Variants in PAX2 observed in about 807,000 individuals in gnomAD.
The protein encoded by PAX2 is paired box protein Pax-2.
Under a neutral mutation model 41.7 loss-of-function variants are expected in PAX2, and 9 were observed. The observed-to-expected ratio is 0.22, with a 90% CI of 0.13 to 0.38. The LOEUF is 0.38. Among genes scored for constraint, PAX2 ranks in the 10% least tolerant of loss-of-function variants. The probability of loss-of-function intolerance (pLI) is 1.00; values close to 1 mark genes in which losing one functional copy is unlikely to be tolerated. For missense variants in PAX2, 418 were observed against 531.6 expected (o/e 0.79, Z 2.10); for synonymous variants, 221 against 212.7 (o/e 1.04, Z -0.34).
At chr10:100,761,480 TA>T (rs1262051909) in intron 3 of PAX2, among the ~76,000 whole-genome samples, 3 of 151,960 alleles carry the variant, frequency 2.0e-5, no homozygotes, top group Non-Finnish European at 2.9e-5. Flanking sequence ...CCAGGGTGGG[TA>T]CAAAAAAAGT....
At chr10:100,817,303 A>T (rs1009829351) in intron 7 of PAX2, among the ~76,000 whole-genome samples, 1 of 152,214 alleles carries the variant, frequency 6.6e-6, no homozygotes, top group Non-Finnish European at 1.5e-5. Flanking sequence ...AAAACAAGGG[A>T]GTTGGACTAG....
Position 100,781,339 on chromosome 10 carries a change from A to G in PAX2, c.590A>G (p.Asn197Ser), listed in dbSNP as rs1257925666. The G allele has an allele frequency of 1.9e-6, 3 of 1,613,748 alleles. No individual in the cohort carries two copies. Among genetic ancestry groups the G allele is most frequent in the East Asian group, 2.2e-5 (1 of 44,892 alleles). Reference sequence around the variant, plus strand: ...GGGATCCTGGGGATTCCTCGCTCCAATGGTGAGAAGAGGAAACGTGATGAA... The same window carrying G: ...GGGATCCTGGGGATTCCTCGCTCCAGTGGTGAGAAGAGGAAACGTGATGAA... ...INGILGIPRS[N>S]GEKRKRDEDV... The change falls in exon 5 of 10, where the codon AAT (asparagine) becomes AGT (serine). Residue 197 changes from asparagine (N) to serine (S), a missense_variant. Physicochemically the swap from Asn to Ser is conservative, Grantham distance 46. Around this residue, in one of 2 missense-constraint regions of PAX2, gnomAD observed 310 missense variants for 325.2 expected, o/e 0.95. Coordinates refer to ENST00000355243, the MANE Select transcript of PAX2 (RefSeq NM_000278.5).
At chr10:100,794,266 C>T (rs1201522066) in intron 5 of PAX2, among the ~76,000 whole-genome samples, 2 of 152,252 alleles carry the variant, frequency 1.3e-5, no homozygotes, top group African/African-American at 2.4e-5. Flanking sequence ...GGGAAGACCA[C>T]GGGACGTGGG....
chr10:100,817,910 C>T (rs151019489), intron 7 of PAX2, among the ~76,000 whole-genome samples: 1 of 152,146 alleles, frequency 6.6e-6, no homozygotes, highest in Non-Finnish European at 1.5e-5. Context: ...AATAGATATA[C>T]GTTGAATTGG....
rs2133988419 is a variant in PAX2 at position 100,826,551 on chromosome 10, A to G, written c.1022-458A>G. ...TGTGTTGGCACTGCACATTGATGCC[A>G]TTCTTAGGACTTTCTGGGAGAAAAA... On this transcript the variant is annotated intron_variant, in intron 8 of 9. Transcript: ENST00000355243. The surrounding 1 kb of genome is among the most constrained non-coding windows in gnomAD (Gnocchi z 5.5). Among the ~76,000 whole-genome samples the G allele has an allele frequency of 1.3e-5, 2 of 152,288 alleles. No homozygotes were observed. Among genetic ancestry groups the G allele is most frequent in the South Asian group, 4.1e-4 (2 of 4,824 alleles).
At chr10:100,762,765 G>A (rs941995201) in intron 3 of PAX2, among the ~76,000 whole-genome samples, 2 of 152,214 alleles carry the variant, frequency 1.3e-5, no homozygotes, top group East Asian at 1.9e-4. Context: ...GTCACAAACC[G>A]GCTTTATGCC....
At chr10:100,795,461 T>C (rs1290532944) in intron 5 of PAX2, among the ~76,000 whole-genome samples, 1 of 152,122 alleles carries the variant, frequency 6.6e-6, no homozygotes, top group Non-Finnish European at 1.5e-5. Flanking sequence ...ACTAGGGAAG[T>C]GTTTATGAGG....
chr10:100,825,440 T>C (rs1297675896), intron 8 of PAX2, among the ~76,000 whole-genome samples: 1 of 152,198 alleles, frequency 6.6e-6, no homozygotes, highest in Non-Finnish European at 1.5e-5. Context: ...AGACAGAGGC[T>C]GTATTTAAGG....
chr10:100,805,754 G>A (rs1052610656), intron 5 of PAX2, among the ~76,000 whole-genome samples: 7 of 152,200 alleles, frequency 4.6e-5, no homozygotes, highest in Non-Finnish European at 1.0e-4. Flanking sequence ...AGGGCATAGA[G>A]GCATCCACAG....
chr10:100,796,647 A>G (rs546027166), intron 5 of PAX2, among the ~76,000 whole-genome samples: 13 of 152,274 alleles, frequency 8.5e-5, no homozygotes, highest in African/African-American at 3.1e-4. Flanking sequence ...CTTGCCATGG[A>G]ATCCCTGGCC....
intron 7 of PAX2, among the ~76,000 whole-genome samples, chr10:100,809,553 C>T (rs1215224121): frequency 6.6e-6 from 1 of 152,208 alleles, no homozygotes; most frequent in Non-Finnish European, 1.5e-5. Context: ...TCATGAGCCT[C>T]TTGTTAGGAT....
intron 8 of PAX2, among the ~76,000 whole-genome samples, chr10:100,825,727 T>C (rs1346511064): frequency 6.6e-6 from 1 of 152,096 alleles, no homozygotes; most frequent in Non-Finnish European, 1.5e-5. Flanking sequence ...GGTATAACCC[T>C]GGGTAAGCAG....
At chr10:100,813,982 A>G (rs1438960819) in intron 7 of PAX2, among the ~76,000 whole-genome samples, 1 of 152,212 alleles carries the variant, frequency 6.6e-6, no homozygotes, top group Non-Finnish European at 1.5e-5. Context: ...AGAACAGTTA[A>G]CATCCCCCCA....
intron 7 of PAX2, among the ~76,000 whole-genome samples, chr10:100,822,220 G>T (rs1440214586): frequency 6.6e-6 from 1 of 152,084 alleles, no homozygotes; most frequent in Non-Finnish European, 1.5e-5. Flanking sequence ...TATTAGACAG[G>T]TATAGAGGAA....
At chr10:100,739,014 G>GACACACA (rs1844861365) in intron 1 of PAX2, among the ~76,000 whole-genome samples, 4 of 138,266 alleles carry the variant, frequency 2.9e-5, no homozygotes, top group Non-Finnish European at 6.2e-5. Context: ...CGCGCACGCG[G>GACACACA]ACACACACAC....
rs1403005649 is a variant in PAX2, at chr10:100,737,874, G to T, written c.25+2141G>T. 3.3e-5 allele frequency among the ~76,000 whole-genome samples: 5 copies of T among 152,244 alleles called. No homozygotes were observed. The East Asian group carries it at 9.6e-4, about 29-fold the overall frequency. ...AACTGCCGCAGCCGGGTTTGCGAAG[G>T]ATGCGGGTTTTACTTAGTCTCGCTG... On this transcript the variant is annotated intron_variant, in intron 1 of 9. Transcript: ENST00000679374.
intron 3 of PAX2, among the ~76,000 whole-genome samples, chr10:100,759,586 C>T (rs1845763013): frequency 6.6e-6 from 1 of 152,184 alleles, no homozygotes; most frequent in Non-Finnish European, 1.5e-5. Flanking sequence ...CTCTGCCTGC[C>T]CTCAGTCCTG....
chr10:100,762,263 G>T (rs925460495), intron 3 of PAX2, among the ~76,000 whole-genome samples: 1 of 151,894 alleles, frequency 6.6e-6, no homozygotes, highest in Non-Finnish European at 1.5e-5. Context: ...TTTCTCTCCA[G>T]CAGTTTGAGG....
chr10:100,748,078 A>G lies in PAX2; in HGVS notation c.44-1668A>G. ...GCGGCCGTGGCGCATTCCAGGCCCG[A>G]CTCAGCGCCGACTCGCTGCAGTCCC... On this transcript the variant is annotated intron_variant, in intron 1 of 9. Transcript: ENST00000355243. The surrounding 1 kb of genome is among the most constrained non-coding windows in gnomAD (Gnocchi z 5.0). 1.0e-6 allele frequency: 1 copy of G among 984,646 alleles called. No individual in the cohort carries two copies. The highest frequency in any genetic ancestry group is 1.2e-6 in the Non-Finnish European group (1 of 829,784). 61.0% of individuals were successfully genotyped at this position (984,646 alleles called of 1,614,324 possible).
Sources: gnomAD v4.1 joint callset for allele counts (sites outside exome capture counted in the v4.1 genomes callset) on GRCh38, gnomAD v4.1.1 for gene constraint, gnomAD v4.1.1 regional missense constraint, Gnocchi (gnomAD v3.1) non-coding constraint, MANE v1.5 for transcripts, NCBI Gene and HGNC (gene_info 2026-07-23, HGNC 2026-07-21) for gene names.